ST7L: variants seen among roughly 807,000 people sequenced by gnomAD.
The protein encoded by ST7L is suppression of tumorigenicity 7 like, also known as suppressor of tumorigenicity 7 protein-like.
ST7L carries 57 observed loss-of-function variants against 72.5 expected under a neutral mutation model. The ratio of observed to expected loss-of-function variants is 0.79; its 90% confidence interval spans 0.64 to 0.98. ST7L has a LOEUF of 0.98. ST7L is among the 50% of genes least tolerant of loss of function. The pLI is 0.00. For synonymous variants in ST7L, 221 were observed against 240.9 expected (o/e 0.92, Z 0.77); for missense variants, 576 against 672.2 (o/e 0.86, Z 1.58).
intron 4 of ST7L, among the ~76,000 whole-genome samples, chr1:112,598,620 C>T (rs913881732): frequency 6.7e-6 from 1 of 149,506 alleles, no homozygotes; most frequent in East Asian, 2.0e-4. Context: ...CTCAGTAAAA[C>T]GAAAATTAAG....
At chr1:112,548,735 AGAG>A (rs1245747890) in intron 13 of ST7L, among the ~76,000 whole-genome samples, 2 of 152,230 alleles carry the variant, frequency 1.3e-5, no homozygotes, top group African/African-American at 4.8e-5. Context: ...AATCATAAAA[AGAG>A]AAGTTAAACA....
chr1:112,547,088 T>C (rs958892015), intron 13 of ST7L, among the ~76,000 whole-genome samples: 4 of 152,024 alleles, frequency 2.6e-5, no homozygotes, highest in African/African-American at 9.7e-5. Flanking sequence ...CTCCTCCTGA[T>C]ATAGGATAGA....
At chr1:112,543,257 TA>T (rs748637753) in intron 13 of ST7L, among the ~76,000 whole-genome samples, 11 of 152,294 alleles carry the variant, frequency 7.2e-5, no homozygotes, top group Middle Eastern at 3.4e-3. Flanking sequence ...ACTGTAAAAC[TA>T]AAGTAGGTAA....
intron 13 of ST7L, among the ~76,000 whole-genome samples, chr1:112,544,572 T>C (rs1306650060): frequency 6.6e-6 from 1 of 152,146 alleles, no homozygotes; most frequent in Non-Finnish European, 1.5e-5. Flanking sequence ...CTTCCCAACT[T>C]CAAATCAAGA....
downstream of ST7L, chr1:112,521,093 A>G (rs1190763081): frequency 6.5e-6 from 1 of 153,038 alleles, no homozygotes; most frequent in East Asian, 1.9e-4. Context: ...TGTTTTGTAG[A>G]AGAAAAAGAA....
chr1:112,565,293 C>T (rs778119680), intron 11 of ST7L, among the ~76,000 whole-genome samples: 4 of 133,650 alleles, frequency 3.0e-5, no homozygotes, highest in African/African-American at 1.2e-4. Context: ...TGGTCTCAAA[C>T]GCCTAACCTC....
intron 11 of ST7L, among the ~76,000 whole-genome samples, chr1:112,560,255 G>A (rs896405510): frequency 3.3e-5 from 5 of 152,048 alleles, no homozygotes; most frequent in African/African-American, 1.2e-4. Flanking sequence ...TTAGCTGGGC[G>A]TGGTGGCGGG....
At chr1:112,602,922 C>T (rs1349601201) in intron 3 of ST7L, among the ~76,000 whole-genome samples, 1 of 151,716 alleles carries the variant, frequency 6.6e-6, no homozygotes, top group African/African-American at 2.4e-5. Flanking sequence ...GTTTCGCCAT[C>T]TTAGCCAGGA....
At chr1:112,521,193 G>C (rs1486532441), downstream of ST7L, 1 of 152,164 alleles carries the variant, frequency 6.6e-6, no homozygotes, top group East Asian at 1.9e-4. Flanking sequence ...TTGCTTACTT[G>C]CTGCCTGTTC....
chr1:112,521,469 G>T (rs1652878941), downstream of ST7L: 1 of 152,162 alleles, frequency 6.6e-6, no homozygotes, highest in South Asian at 2.1e-4. Flanking sequence ...CCCACATGAG[G>T]CATCAGTATA....
chr1:112,613,247 A>G (rs1400154090), intron 2 of ST7L, among the ~76,000 whole-genome samples: 2 of 152,230 alleles, frequency 1.3e-5, no homozygotes, highest in Non-Finnish European at 2.9e-5. Context: ...CTTTTGAGTC[A>G]ACTTTTTAAC....
intron 6 of ST7L, 92 bp downstream of exon 6, chr1:112,591,433 C>T (rs1665705626): frequency 9.4e-7 from 1 of 1,058,420 alleles, no homozygotes; most frequent in Non-Finnish European, 1.4e-6. Context: ...CTAATGACTC[C>T]AAGTGTCTTA....
At chr1:112,618,048 T>C (rs1451466411) in intron 1 of ST7L, 1 of 1,304,088 alleles carries the variant, frequency 7.7e-7, no homozygotes, top group Non-Finnish European at 1.0e-6. Context: ...GGACATTTGC[T>C]GCCTTTTGCT....
intron 11 of ST7L, among the ~76,000 whole-genome samples, chr1:112,574,430 C>A (rs546981747): frequency 2.0e-5 from 3 of 151,652 alleles, no homozygotes; most frequent in Non-Finnish European, 4.4e-5. Context: ...GAGGCCAAGG[C>A]GGGCGGATCA....
At chr1:112,578,077 T>C (rs1663441478) in intron 10 of ST7L, among the ~76,000 whole-genome samples, 2 of 152,220 alleles carry the variant, frequency 1.3e-5, no homozygotes, top group African/African-American at 4.8e-5. Flanking sequence ...ATTAGTCTCA[T>C]TTTACAGATG....
intron 11 of ST7L, among the ~76,000 whole-genome samples, chr1:112,561,710 C>G (rs1660180009): frequency 6.6e-6 from 1 of 152,046 alleles, no homozygotes; most frequent in Middle Eastern, 3.4e-3. Flanking sequence ...AAACTACTGA[C>G]CTCAGGTGAT....
rs771669556 is a variant in ST7L, at chr1:112,526,014, C to T, written c.1727G>A (p.Ter576=). ...AAGGTCACATGAACAGTGCGTGGCT[C>T]AGCCAGAACTCAAACCTAGGTCTTC... ...KSEDLGLSSG[*] is the part of the protein sequence containing the mutation. Residue 576 remains the stop codon, a stop_retained_variant, in exon 15 of 15, where the codon TGA becomes TAA. Transcript: ENST00000358039. The T allele has an allele frequency of 6.2e-7, 1 of 1,614,004 alleles. No individual in the cohort carries two copies. The highest frequency in any genetic ancestry group is 1.3e-5 in the African/African-American group (1 of 74,922).
intron 1 of ST7L, 28 bp from the exon 2 acceptor site, chr1:112,616,923 TA>T (rs770947080): frequency 4.6e-6 from 7 of 1,530,964 alleles, no homozygotes; most frequent in Middle Eastern, 1.7e-4. Flanking sequence ...ATCAAAGTTT[TA>T]AAAAATGCAA....
intron 11 of ST7L, chr1:112,571,306 C>T (rs1662093406): frequency 4.4e-6 from 2 of 456,240 alleles, no homozygotes; most frequent in African/African-American, 4.0e-5. Flanking sequence ...GCTGAATTGT[C>T]AACTGCTTTG....
Sources: gnomAD v4.1 joint callset for allele counts (sites outside exome capture counted in the v4.1 genomes callset) on GRCh38, gnomAD v4.1.1 for gene constraint, MANE v1.5 for transcripts, NCBI Gene and HGNC (gene_info 2026-07-23, HGNC 2026-07-21) for gene names.